Variants in ALLC observed in about 807,000 individuals in gnomAD.
The protein encoded by ALLC is allantoicase.
Under a neutral mutation model 45.0 loss-of-function variants are expected in ALLC, and 40 were observed. The observed-to-expected ratio is 0.89, with a 90% CI of 0.69 to 1.16. The LOEUF is 1.16. Among genes scored for constraint, ALLC ranks in the 50% most tolerant of loss-of-function variants. The pLI is 0.00. For missense variants in ALLC, 488 were observed against 493.1 expected, an observed-to-expected ratio of 0.99 and a Z score of 0.10; for synonymous variants, 176 against 178.1, an observed-to-expected ratio of 0.99 and a Z score of 0.09.
At chr2:3,661,690 C>T (rs1273689980) in intron 1 of ALLC, among the ~76,000 whole-genome samples, 1 of 152,232 alleles carries the variant, frequency 6.6e-6, no homozygotes, top group Non-Finnish European at 1.5e-5. Context: ...ATGCTTTTCA[C>T]TTTGGTGGTG....
At chr2:3,652,575 T>C in the ALLC span, among the ~76,000 whole-genome samples, 2 of 147,990 alleles carry the variant, frequency 1.4e-5, no homozygotes, top group Admixed American at 1.3e-4. Flanking sequence ...CCCCAAAACT[T>C]TGTGATTTTT....
the ALLC span, among the ~76,000 whole-genome samples, chr2:3,650,195 C>T: frequency 1.8e-3 from 275 of 152,294 alleles, no homozygotes; most frequent in African/African-American, 6.5e-3. Context: ...CAGAGGAAGC[C>T]GGGACACCTC....
At chr2:3,660,966 C>G (rs1299050565) in intron 1 of ALLC, among the ~76,000 whole-genome samples, 2 of 152,140 alleles carry the variant, frequency 1.3e-5, no homozygotes, top group Non-Finnish European at 2.9e-5. Flanking sequence ...ATTGAACATA[C>G]TGACATACTG....
intron 1 of ALLC, among the ~76,000 whole-genome samples, chr2:3,662,303 G>A (rs960123677): frequency 4.6e-5 from 7 of 152,180 alleles, no homozygotes; most frequent in African/African-American, 1.7e-4. Context: ...GAAATACATA[G>A]GTCTCAGGAT....
At chr2:3,664,757 C>T (rs1666651786) in intron 1 of ALLC, among the ~76,000 whole-genome samples, 1 of 151,780 alleles carries the variant, frequency 6.6e-6, no homozygotes, top group Non-Finnish European at 1.5e-5. Flanking sequence ...TGGTGGTGCG[C>T]ACCTGTAATC....
chr2:3,679,730 A>AACCGC (rs1667122090), intron 4 of ALLC, 139 bp from the exon 5 acceptor site: 1 of 1,148,100 alleles, frequency 8.7e-7, no homozygotes, highest in African/African-American at 1.5e-5. Flanking sequence ...ATTAGCTAAG[A>AACCGC]ACCGCCCTGA....
upstream of ALLC, among the ~76,000 whole-genome samples, chr2:3,654,454 G>A (rs1296138790): frequency 2.0e-5 from 3 of 152,260 alleles, no homozygotes; most frequent in South Asian, 2.1e-4. Flanking sequence ...ATTTACCAAC[G>A]TATGAGTGCC....
At chr2:3,662,325 C>T (rs568667871) in intron 1 of ALLC, among the ~76,000 whole-genome samples, 1 of 152,308 alleles carries the variant, frequency 6.6e-6, no homozygotes, top group Admixed American at 6.5e-5. Context: ...AGAGAGCATG[C>T]ATTCTGGAGC....
chr2:3,647,202 G>A, the ALLC span, among the ~76,000 whole-genome samples: 1 of 152,084 alleles, frequency 6.6e-6, no homozygotes, highest in Non-Finnish European at 1.5e-5. Flanking sequence ...TATGTTCAAC[G>A]CGACACACAC....
At chr2:3,692,140 A>G (rs1487327061) in intron 7 of ALLC, among the ~76,000 whole-genome samples, 2 of 152,136 alleles carry the variant, frequency 1.3e-5, no homozygotes, top group African/African-American at 4.8e-5. Context: ...TGGGGATGTC[A>G]TAGTTCTTTG....
chr2:3,682,142 G>A (rs1667197079), intron 6 of ALLC, among the ~76,000 whole-genome samples: 1 of 152,138 alleles, frequency 6.6e-6, no homozygotes, highest in South Asian at 2.1e-4. Context: ...GTAATAGTTT[G>A]TATTGTTTTT....
At chr2:3,693,246 C>T (rs956237257) in intron 7 of ALLC, among the ~76,000 whole-genome samples, 2 of 152,196 alleles carry the variant, frequency 1.3e-5, no homozygotes, top group African/African-American at 2.4e-5. Context: ...AGGAACAGGA[C>T]AGCAAAGCTC....
upstream of ALLC, among the ~76,000 whole-genome samples, chr2:3,653,256 C>G (rs1444171378): frequency 6.6e-6 from 1 of 152,260 alleles, no homozygotes; most frequent in Non-Finnish European, 1.5e-5. This position sits in a 1 kb window ranked among gnomAD's most constrained non-coding sequence, Gnocchi z 4.1. Flanking sequence ...GAAATAGACT[C>G]TGCCCATGAT....
At chr2:3,667,036 T>G (rs928430842) in intron 1 of ALLC, among the ~76,000 whole-genome samples, 1 of 152,184 alleles carries the variant, frequency 6.6e-6, no homozygotes, top group African/African-American at 2.4e-5. Context: ...GGCTTCCAGA[T>G]TGGACAATAT....
intron 1 of ALLC, among the ~76,000 whole-genome samples, chr2:3,664,877 C>CT (rs1666663432): frequency 6.7e-6 from 1 of 149,380 alleles, no homozygotes. Context: ...AAGAAAGACT[C>CT]TGTCTCCAAA....
chr2:3,669,192 G>A (rs912451211), intron 1 of ALLC, among the ~76,000 whole-genome samples: 6 of 151,976 alleles, frequency 3.9e-5, no homozygotes, highest in Admixed American at 6.6e-5. Context: ...CAGTAATTCC[G>A]GCCAGGTGTG....
At position 3,680,826 on chromosome 2, in the gene ALLC, A is replaced by G. The variant is rs1667158044; in HGVS notation, c.299-808A>G. Among the ~76,000 whole-genome samples, 1 of 152,200 alleles carries G rather than the reference A, an allele frequency of 6.6e-6. No individual in the cohort carries two copies. Among genetic ancestry groups the G allele is most frequent in the Non-Finnish European group, 1.5e-5 (1 of 68,030 alleles). ...ATCAAGGTTGACATGTTCTGGACTA[A>G]GGACAGTAAATCAAGTTGGAAGCAG... On this transcript the variant is annotated intron_variant, in intron 5 of 11. Transcript: ENST00000252505. The surrounding 1 kb of genome is among the most constrained non-coding windows in gnomAD (Gnocchi z 4.0).
chr2:3,681,829 C>G (rs765285351), intron 6 of ALLC, 116 bp downstream of exon 6: 11 of 740,588 alleles, frequency 1.5e-5, no homozygotes, highest in Non-Finnish European at 2.1e-6. Context: ...CCTGATGCTC[C>G]CCACATCATT....
intron 7 of ALLC, among the ~76,000 whole-genome samples, chr2:3,691,931 T>G (rs1422222972): frequency 6.6e-6 from 1 of 152,214 alleles, no homozygotes; most frequent in Non-Finnish European, 1.5e-5. Flanking sequence ...AATACGTTTT[T>G]CCATTCAAAG....
Sources: gnomAD v4.1 joint callset for allele counts (sites outside exome capture counted in the v4.1 genomes callset) on GRCh38, gnomAD v4.1.1 for gene constraint, Gnocchi (gnomAD v3.1) non-coding constraint, MANE v1.5 for transcripts, NCBI Gene and HGNC (gene_info 2026-07-23, HGNC 2026-07-21) for gene names.